The following LINGO2 variants were observed in gnomAD, a reference collection of about 807,000 sequenced individuals.
The protein encoded by LINGO2 is leucine rich repeat and Ig domain containing 2.
LINGO2 carries 14 observed loss-of-function variants against 30.6 expected under a neutral mutation model. The observed-to-expected ratio is 0.46, with a 90% CI of 0.30 to 0.72. The LOEUF is 0.72. Among genes scored for constraint, LINGO2 ranks in the 30% least tolerant of loss-of-function variants. LINGO2 has a pLI of 0.07. For missense variants in LINGO2, 729 were observed against 751.7 expected, an observed-to-expected ratio of 0.97 and a Z score of 0.35; for synonymous variants, 317 against 288.5, an observed-to-expected ratio of 1.10 and a Z score of -1.00.
intron 2 of LINGO2, among the ~76,000 whole-genome samples, chr9:28,375,711 A>C (rs1279835392): frequency 6.6e-6 from 1 of 152,188 alleles, no homozygotes; most frequent in Non-Finnish European, 1.5e-5. Context: ...TCTAGGAACG[A>C]AGGGGAAAAT....
At chr9:28,506,882 T>C (rs1443069132) in intron 1 of LINGO2, among the ~76,000 whole-genome samples, 1 of 152,012 alleles carries the variant, frequency 6.6e-6, no homozygotes, top group Non-Finnish European at 1.5e-5. Flanking sequence ...GATTAAATCA[T>C]CTTCTCTACA....
At chr9:28,046,400 C>T (rs375458366) in intron 4 of LINGO2, among the ~76,000 whole-genome samples, 7 of 152,078 alleles carry the variant, frequency 4.6e-5, no homozygotes, top group East Asian at 1.9e-4. Context: ...TTCAGTAGTC[C>T]GGAATGGGGT....
the LINGO2 span, among the ~76,000 whole-genome samples, chr9:29,172,567 G>A: frequency 6.6e-6 from 1 of 151,738 alleles, no homozygotes; most frequent in Non-Finnish European, 1.5e-5. Context: ...AATAATCACT[G>A]AAATTAAATA....
intron 4 of LINGO2, among the ~76,000 whole-genome samples, chr9:28,179,674 TTATACTATATA>T (rs200799127): frequency 0.049 from 7,042 of 142,496 alleles, 171 homozygotes; most frequent in Admixed American, 0.081. Context: ...ATATAGTATT[TTATACTATATA>T]TACTATAGTA....
the LINGO2 span, among the ~76,000 whole-genome samples, chr9:28,802,659 T>G: frequency 0.15 from 22,729 of 152,030 alleles, 1,880 homozygotes; most frequent in East Asian, 0.33. Context: ...ACCAGCCAAC[T>G]TAACTTGAGT....
At chr9:29,197,704 T>C in the LINGO2 span, among the ~76,000 whole-genome samples, 7 of 152,236 alleles carry the variant, frequency 4.6e-5, no homozygotes, top group South Asian at 8.3e-4. Context: ...TGGTAAAGTT[T>C]CACTGTCCTT....
chr9:29,083,057 A>G, the LINGO2 span, among the ~76,000 whole-genome samples: 7 of 152,134 alleles, frequency 4.6e-5, no homozygotes, highest in African/African-American at 1.4e-4. Context: ...TAGAAATACC[A>G]TTTGACCCAG....
chr9:28,491,336 C>T (rs1826387599), intron 1 of LINGO2, among the ~76,000 whole-genome samples: 1 of 152,168 alleles, frequency 6.6e-6, no homozygotes, highest in Admixed American at 6.5e-5. Flanking sequence ...TCTGTGATCA[C>T]ATTGCCTTCT....
the LINGO2 span, among the ~76,000 whole-genome samples, chr9:28,680,649 G>T: frequency 6.6e-6 from 1 of 151,990 alleles, no homozygotes; most frequent in East Asian, 1.9e-4. Context: ...TTTATCAGGT[G>T]TTATCTTTTT....
chr9:28,057,430 CTA>C (rs2133103280), intron 4 of LINGO2, among the ~76,000 whole-genome samples: 1 of 151,514 alleles, frequency 6.6e-6, no homozygotes, highest in Non-Finnish European at 1.5e-5. Context: ...GATTAGTGTT[CTA>C]TGAGATACAG....
At chr9:28,988,201 C>T in the LINGO2 span, among the ~76,000 whole-genome samples, 1 of 152,000 alleles carries the variant, frequency 6.6e-6, no homozygotes, top group Non-Finnish European at 1.5e-5. Context: ...TTATATTTAT[C>T]TAGGTGCTCC....
At position 28,218,919 on chromosome 9, in the gene LINGO2, C is replaced by T. The variant is rs557390678; in HGVS notation, c.-87+76289G>A. Among the ~76,000 whole-genome samples the T allele has an allele frequency of 2.0e-5, 3 of 152,260 alleles. No homozygotes were observed. In the South Asian group the frequency reaches 6.2e-4, roughly 32 times the overall value. On this transcript the variant is annotated intron_variant, in intron 4 of 5. Transcript: ENST00000379992. Reference sequence around the variant, plus strand: ...AGAATAAGGTTTCTACTTCTGAGTGCCACTTATTTCAAATTTTCTGAGACT... The same window carrying T: ...AGAATAAGGTTTCTACTTCTGAGTGTCACTTATTTCAAATTTTCTGAGACT...
Position 28,081,426 on chromosome 9 carries a change from C to T in LINGO2, c.-86-69021G>A, listed in dbSNP as rs113395389. On this transcript the variant is annotated intron_variant, in intron 4 of 5. Transcript: ENST00000379992. ...AGGAAATAAAAGAGGGAAAAAAGTG[C>T]CTAAATTTTAGAGCTTGGTAGGCTT... is the stretch of plus-strand genomic sequence containing the variant. Among the ~76,000 whole-genome samples the T allele has an allele frequency of 6.3e-3, 959 of 152,128 alleles. 12 individuals are homozygous for T. Among genetic ancestry groups the T allele is most frequent in the African/African-American group, 0.022 (907 of 41,490 alleles).
intron 5 of LINGO2, among the ~76,000 whole-genome samples, chr9:27,967,178 C>T (rs575607740): frequency 6.6e-6 from 1 of 152,270 alleles, no homozygotes; most frequent in African/African-American, 2.4e-5. Context: ...TTTCTACCAG[C>T]TTCTGTAACA....
At chr9:28,607,011 A>G (rs941413564) in intron 1 of LINGO2, among the ~76,000 whole-genome samples, 5 of 152,064 alleles carry the variant, frequency 3.3e-5, no homozygotes, top group African/African-American at 1.2e-4. Flanking sequence ...TTTACAGCAA[A>G]TCAATTGAAA....
At chr9:27,978,152 A>G (rs550553113) in intron 5 of LINGO2, among the ~76,000 whole-genome samples, 3 of 152,166 alleles carry the variant, frequency 2.0e-5, no homozygotes, top group African/African-American at 7.2e-5. Flanking sequence ...AGAACACTTC[A>G]GCTCCAGAGT....
chr9:28,715,625 T>G, the LINGO2 span, among the ~76,000 whole-genome samples: 1 of 152,010 alleles, frequency 6.6e-6, no homozygotes, highest in Non-Finnish European at 1.5e-5. Context: ...AACCAGAAGG[T>G]CATCGTTCTG....
At chr9:27,948,760 T>C in exon 6 of LINGO2, 2 of 1,413,632 alleles carry the variant, frequency 1.4e-6, no homozygotes, top group South Asian at 2.8e-5. Flanking sequence ...CAGCTGCACA[T>C]GGCTGCCTCT....
chr9:28,037,481 AG>A (rs1324641301), intron 4 of LINGO2, among the ~76,000 whole-genome samples: 2 of 152,138 alleles, frequency 1.3e-5, no homozygotes, highest in Admixed American at 1.3e-4. Flanking sequence ...TTAAAAAAAA[AG>A]TCTTCTGAGA....
Sources: gnomAD v4.1 joint callset for allele counts (sites outside exome capture counted in the v4.1 genomes callset) on GRCh38, gnomAD v4.1.1 for gene constraint, MANE v1.5 for transcripts, NCBI Gene and HGNC (gene_info 2026-07-23, HGNC 2026-07-21) for gene names.